The following TMCC1 variants were observed in gnomAD, a reference collection of about 807,000 sequenced individuals.
TMCC1 encodes the protein transmembrane and coiled-coil domain family 1.
Under a neutral mutation model 52.4 loss-of-function variants are expected in TMCC1, and 15 were observed. The observed-to-expected ratio is 0.29, with a 90% CI of 0.19 to 0.44. The LOEUF (loss-of-function observed/expected upper bound fraction) is 0.44, where lower values mean the gene tolerates loss of function less well. Among genes scored for constraint, TMCC1 ranks in the 20% least tolerant of loss-of-function variants. The probability of loss-of-function intolerance (pLI) is 1.00; values close to 1 mark genes in which losing one functional copy is unlikely to be tolerated. For missense variants in TMCC1, 503 were observed against 806.0 expected, an observed-to-expected ratio of 0.62 and a Z score of 4.55; for synonymous variants, 279 against 301.9, an observed-to-expected ratio of 0.92 and a Z score of 0.79.
At chr3:129,809,362 C>A (rs576409877) in intron 4 of TMCC1, among the ~76,000 whole-genome samples, 1 of 151,796 alleles carries the variant, frequency 6.6e-6, no homozygotes, top group South Asian at 2.1e-4. Flanking sequence ...ATGTTTCATA[C>A]TCCTAGTGTT....
chr3:129,840,481 G>C (rs1285420404), intron 2 of TMCC1, among the ~76,000 whole-genome samples: 1 of 152,156 alleles, frequency 6.6e-6, no homozygotes, highest in South Asian at 2.1e-4. Flanking sequence ...CAAATGAATT[G>C]CAGACAAAGT....
At chr3:129,765,750 CA>C (rs1433553901) in intron 4 of TMCC1, among the ~76,000 whole-genome samples, 6 of 152,054 alleles carry the variant, frequency 3.9e-5, no homozygotes, top group Non-Finnish European at 5.9e-5. Flanking sequence ...TTATGGAGCT[CA>C]ACTATATTCT....
chr3:129,760,864 A>G (rs1235213197), intron 4 of TMCC1, among the ~76,000 whole-genome samples: 2 of 151,834 alleles, frequency 1.3e-5, no homozygotes, highest in African/African-American at 4.8e-5. Context: ...TACCCACCTC[A>G]GCCTCCCAAA....
chr3:129,732,278 T>C (rs1357214157), intron 4 of TMCC1, among the ~76,000 whole-genome samples: 1 of 152,152 alleles, frequency 6.6e-6, no homozygotes, highest in African/African-American at 2.4e-5. Context: ...CAATAGAAAT[T>C]GCCAGAGAGG....
At chr3:129,824,886 A>T (rs2058590130) in intron 4 of TMCC1, among the ~76,000 whole-genome samples, 1 of 152,224 alleles carries the variant, frequency 6.6e-6, no homozygotes, top group Admixed American at 6.5e-5. Context: ...TCAGATTTTA[A>T]AATTTTTTAT....
intron 4 of TMCC1, among the ~76,000 whole-genome samples, chr3:129,780,589 G>C (rs1027870762): frequency 6.6e-6 from 1 of 151,838 alleles, no homozygotes; most frequent in Non-Finnish European, 1.5e-5. Flanking sequence ...ACCCAAACTT[G>C]AATTTACACC....
intron 4 of TMCC1, among the ~76,000 whole-genome samples, chr3:129,771,797 A>AAAAAAAAG (rs60824072): frequency 1.2e-3 from 104 of 86,880 alleles, no homozygotes; most frequent in East Asian, 2.0e-3. Flanking sequence ...AAAAAAAAAA[A>AAAAAAAAG]AAGAAGAAGA....
intron 4 of TMCC1, among the ~76,000 whole-genome samples, chr3:129,727,224 T>G (rs2050178602): frequency 6.6e-6 from 1 of 152,174 alleles, no homozygotes; most frequent in African/African-American, 2.4e-5. Context: ...CCTTATAGCT[T>G]CACTATATAA....
chr3:129,661,520 A>G (rs2087023740), intron 5 of TMCC1, among the ~76,000 whole-genome samples: 1 of 152,222 alleles, frequency 6.6e-6, no homozygotes, highest in African/African-American at 2.4e-5. Context: ...ATCTGAACCA[A>G]TTGGCTTGTG....
chr3:129,664,335 A>G (rs544646993), intron 5 of TMCC1, among the ~76,000 whole-genome samples: 7 of 152,326 alleles, frequency 4.6e-5, no homozygotes, highest in Admixed American at 3.9e-4. Context: ...GTTATGTCCA[A>G]TGATGGTCAA....
At chr3:129,727,213 G>T (rs1291361034) in intron 4 of TMCC1, among the ~76,000 whole-genome samples, 1 of 152,096 alleles carries the variant, frequency 6.6e-6, no homozygotes, top group Non-Finnish European at 1.5e-5. Flanking sequence ...TGGTATTCCT[G>T]CCTTATAGCT....
intron 5 of TMCC1, among the ~76,000 whole-genome samples, chr3:129,669,954 G>A (rs1053419759): frequency 6.6e-6 from 1 of 152,106 alleles, no homozygotes; most frequent in African/African-American, 2.4e-5. Flanking sequence ...TGTGTTTAAG[G>A]CCAAATACCT....
intron 4 of TMCC1, among the ~76,000 whole-genome samples, chr3:129,682,004 G>T (rs886867146): frequency 2.6e-5 from 4 of 152,002 alleles, no homozygotes; most frequent in Admixed American, 6.6e-5. Context: ...CCTACTTTTA[G>T]AGGTTCCATG....
intron 4 of TMCC1, among the ~76,000 whole-genome samples, chr3:129,709,186 G>A (rs1288664052): frequency 6.6e-6 from 1 of 152,010 alleles, no homozygotes; most frequent in Non-Finnish European, 1.5e-5. Context: ...TAGATTGTCC[G>A]GTGTAGTGGC....
rs561095220 is a variant in TMCC1 at position 129,697,977 on chromosome 3, C to G, written c.577-26713G>C. Reference sequence around the variant, plus strand: ...CTCCAAGTCTCTAGGAAGTTCCAAACTTTTCCACATTTTCCTATCTTCTTC... The same window carrying G: ...CTCCAAGTCTCTAGGAAGTTCCAAAGTTTTCCACATTTTCCTATCTTCTTC... On this transcript the variant is annotated intron_variant, in intron 4 of 6. Transcript: ENST00000393238. Among the ~76,000 whole-genome samples, 4 of 152,286 alleles carry G rather than the reference C, an allele frequency of 2.6e-5. No homozygotes were observed. The South Asian group carries it at 6.2e-4, about 24-fold the overall frequency.
At chr3:129,700,235 TA>T (rs201086532) in intron 4 of TMCC1, among the ~76,000 whole-genome samples, 260 of 149,688 alleles carry the variant, frequency 1.7e-3, no homozygotes, top group African/African-American at 5.2e-3. Flanking sequence ...AAAAGAAAAT[TA>T]AAAAAAAAAT....
intron 4 of TMCC1, among the ~76,000 whole-genome samples, chr3:129,800,461 G>A (rs1178109411): frequency 6.6e-6 from 1 of 151,826 alleles, no homozygotes; most frequent in Admixed American, 6.6e-5. Context: ...GGAAGTTCCA[G>A]TTGCTCTACA....
intron 4 of TMCC1, among the ~76,000 whole-genome samples, chr3:129,775,887 C>T (rs543396151): frequency 1.3e-5 from 2 of 152,284 alleles, no homozygotes; most frequent in African/African-American, 4.8e-5. Flanking sequence ...TATTTAAACC[C>T]ATTAAAGGTT....
At chr3:129,675,743 AAAC>A (rs1435582454) in intron 4 of TMCC1, among the ~76,000 whole-genome samples, 3 of 152,282 alleles carry the variant, frequency 2.0e-5, no homozygotes, top group East Asian at 3.9e-4. Context: ...CCAATCTTAA[AAAC>A]AACATTACAG....
Sources: gnomAD v4.1 joint callset for allele counts (sites outside exome capture counted in the v4.1 genomes callset) on GRCh38, gnomAD v4.1.1 for gene constraint, MANE v1.5 for transcripts, NCBI Gene and HGNC (gene_info 2026-07-23, HGNC 2026-07-21) for gene names.